WWOX: variants seen among roughly 807,000 people sequenced by gnomAD.
The protein encoded by WWOX is WW domain-containing oxidoreductase.
WWOX carries 69 observed loss-of-function variants against 46.2 expected under a neutral mutation model. The ratio of observed to expected loss-of-function variants is 1.49; its 90% confidence interval spans 1.23 to 1.82. The LOEUF is 1.82. Ranked by LOEUF, WWOX falls within the 40% of genes most tolerant of loss-of-function variation. The pLI is 0.00. For missense variants in WWOX, 919 were observed against 542.6 expected (o/e 1.69, Z -6.89); for synonymous variants, 359 against 202.6 (o/e 1.77, Z -6.56).
At chr16:78,458,105 C>G (rs773569771) in intron 8 of WWOX, among the ~76,000 whole-genome samples, 1 of 151,818 alleles carries the variant, frequency 6.6e-6, no homozygotes, top group Non-Finnish European at 1.5e-5. Flanking sequence ...GACTTCTCAT[C>G]CTGGAGTTCG....
rs528968345 is a variant in WWOX at position 78,354,562 on chromosome 16, C to G, written c.517-32298C>G. Among the ~76,000 whole-genome samples, 3 of 152,170 alleles carry G rather than the reference C, an allele frequency of 2.0e-5. No homozygotes were observed. The East Asian group carries it at 5.8e-4, about 29-fold the overall frequency. ...AGAAGAGACCCTTATTTTTCATATGCTTAGAAATATCCAGCAAGCCACTTT... is the reference window on the plus strand; with the variant it reads ...AGAAGAGACCCTTATTTTTCATATGGTTAGAAATATCCAGCAAGCCACTTT... On this transcript the variant is annotated intron_variant, in intron 5 of 8. Transcript: ENST00000566780.
intron 8 of WWOX, among the ~76,000 whole-genome samples, chr16:78,489,861 G>A (rs762158424): frequency 2.0e-5 from 3 of 152,148 alleles, no homozygotes; most frequent in Non-Finnish European, 4.4e-5. Context: ...TCACTGGTAT[G>A]GGTAACAGTT....
At chr16:78,351,109 G>C (rs1270227795) in intron 5 of WWOX, among the ~76,000 whole-genome samples, 1 of 152,082 alleles carries the variant, frequency 6.6e-6, no homozygotes, top group Non-Finnish European at 1.5e-5. Flanking sequence ...CGGTTATCAG[G>C]TCACACCTGT....
rs895235675 is a variant in WWOX at position 79,133,189 on chromosome 16, G to A, written c.1057-78419G>A. On this transcript the variant is annotated intron_variant, in intron 8 of 8. Transcript: ENST00000566780. ...AACAACTTTATTTATGTAATTAAGC[G>A]AGTGAAGTCATACATTTTATTGATC... Among the ~76,000 whole-genome samples, 9 of 152,168 alleles carry A rather than the reference G, an allele frequency of 5.9e-5. No homozygotes were observed. The South Asian group carries it at 6.2e-4, about 11-fold the overall frequency.
At chr16:79,134,903 A>G (rs2049953866) in intron 8 of WWOX, among the ~76,000 whole-genome samples, 1 of 152,236 alleles carries the variant, frequency 6.6e-6, no homozygotes, top group Non-Finnish European at 1.5e-5. Flanking sequence ...GTTCTGTAGC[A>G]AAGTGGAGTG....
At chr16:78,836,977 A>G (rs12716861) in intron 8 of WWOX, among the ~76,000 whole-genome samples, 27,840 of 152,102 alleles carry the variant, frequency 0.18, 2,852 homozygotes, top group Middle Eastern at 0.31. Flanking sequence ...AGAAACAGGG[A>G]GAGTGGAGGT....
chr16:78,386,488 T>C (rs922625883), intron 5 of WWOX, among the ~76,000 whole-genome samples: 1 of 152,204 alleles, frequency 6.6e-6, no homozygotes, highest in African/African-American at 2.4e-5. Flanking sequence ...TATTGTCCAT[T>C]GCATCTTTCC....
intron 8 of WWOX, among the ~76,000 whole-genome samples, chr16:79,130,652 C>T (rs765469035): frequency 3.3e-5 from 5 of 152,188 alleles, no homozygotes; most frequent in Non-Finnish European, 7.3e-5. Flanking sequence ...AAGCCAAGAA[C>T]AAATTAACCC....
intron 8 of WWOX, among the ~76,000 whole-genome samples, chr16:78,461,352 A>G (rs1439958780): frequency 6.6e-6 from 1 of 152,124 alleles, no homozygotes; most frequent in Non-Finnish European, 1.5e-5. Flanking sequence ...TAAGGCCAGA[A>G]AGGAAAGGGA....
At chr16:78,370,427 C>T (rs1482487396) in intron 5 of WWOX, among the ~76,000 whole-genome samples, 1 of 151,878 alleles carries the variant, frequency 6.6e-6, no homozygotes, top group African/African-American at 2.4e-5. Flanking sequence ...ATTCAAAATA[C>T]CGTTTACATT....
intron 8 of WWOX, among the ~76,000 whole-genome samples, chr16:78,771,909 G>A (rs946214578): frequency 2.0e-5 from 3 of 152,070 alleles, no homozygotes; most frequent in Middle Eastern, 3.2e-3. Context: ...TACATACATT[G>A]TACTACAATA....
chr16:78,231,832 C>T (rs535030949), intron 5 of WWOX, among the ~76,000 whole-genome samples: 12 of 152,288 alleles, frequency 7.9e-5, no homozygotes, highest in Admixed American at 4.6e-4. Flanking sequence ...CATTGCACTT[C>T]TCTTCAAGTT....
chr16:78,650,036 C>T (rs1242698178), intron 8 of WWOX, among the ~76,000 whole-genome samples: 1 of 152,084 alleles, frequency 6.6e-6, no homozygotes, highest in South Asian at 2.1e-4. Flanking sequence ...TATTGGAAGC[C>T]TATTGTACTT....
At chr16:78,704,560 C>G (rs1186031578) in intron 8 of WWOX, among the ~76,000 whole-genome samples, 1 of 152,184 alleles carries the variant, frequency 6.6e-6, no homozygotes, top group Admixed American at 6.5e-5. Context: ...TTACGAAACT[C>G]TAATCCATAA....
chr16:78,399,071 C>G (rs1373250910), intron 6 of WWOX, among the ~76,000 whole-genome samples: 13 of 140,000 alleles, frequency 9.3e-5, no homozygotes, highest in Non-Finnish European at 2.0e-4. Context: ...GGATAGGTGG[C>G]TGGCTGGCTA....
chr16:78,157,406 G>A (rs143365532), intron 4 of WWOX, among the ~76,000 whole-genome samples: 1 of 152,150 alleles, frequency 6.6e-6, no homozygotes, highest in East Asian at 1.9e-4. Flanking sequence ...GGTGATAAGG[G>A]GTGACATTGG....
rs1597330652 is a variant in WWOX, at chr16:78,601,281, G to C, written c.1056+168529G>C. ...TCCCTCTTTGCCCCTTTGGGTGTTT[G>C]TGAAAAGCAAGTTGCAAACTCTGAA... On this transcript the variant is annotated intron_variant, in intron 8 of 8. Transcript: ENST00000566780. Among the ~76,000 whole-genome samples, 4 of 152,252 alleles carry C rather than the reference G, an allele frequency of 2.6e-5. No individual in the cohort carries two copies. In the South Asian group the frequency reaches 8.3e-4, roughly 32 times the overall value.
At chr16:79,199,545 G>C (rs1262674877) in intron 8 of WWOX, among the ~76,000 whole-genome samples, 1 of 152,158 alleles carries the variant, frequency 6.6e-6, no homozygotes, top group East Asian at 1.9e-4. Context: ...ACTGACTTGA[G>C]CCTCAGTTTT....
At chr16:78,344,023 C>G (rs886074340) in intron 5 of WWOX, among the ~76,000 whole-genome samples, 1 of 119,382 alleles carries the variant, frequency 8.4e-6, no homozygotes, top group East Asian at 1.9e-4. Context: ...CCACATCACC[C>G]CACATTTTTT....
Sources: gnomAD v4.1 joint callset for allele counts (sites outside exome capture counted in the v4.1 genomes callset) on GRCh38, gnomAD v4.1.1 for gene constraint, MANE v1.5 for transcripts, NCBI Gene and HGNC (gene_info 2026-07-23, HGNC 2026-07-21) for gene names.